OPCML: variants seen among roughly 807,000 people sequenced by gnomAD.
OPCML encodes opioid-binding protein/cell adhesion molecule.
A neutral mutation model predicts 37.8 loss-of-function variants in OPCML; 13 were observed. That is an observed-to-expected ratio of 0.34 (90% CI 0.22 to 0.55). The LOEUF (loss-of-function observed/expected upper bound fraction) is 0.55, where lower values mean the gene tolerates loss of function less well. Among genes scored for constraint, OPCML ranks in the 20% least tolerant of loss-of-function variants. OPCML has a pLI of 0.91. For synonymous variants in OPCML, 176 were observed against 168.8 expected (o/e 1.04, Z -0.33); for missense variants, 341 against 435.6 (o/e 0.78, Z 1.93).
chr11:133,365,048 T>TCACACACA (rs3220326), intron 1 of OPCML, among the ~76,000 whole-genome samples: 155 of 146,574 alleles, frequency 1.1e-3, no homozygotes, highest in South Asian at 4.0e-3. Context: ...TCTCTCTCTT[T>TCACACACA]CACACACACA....
At chr11:132,730,912 T>A (rs997844408) in intron 2 of OPCML, among the ~76,000 whole-genome samples, 1 of 152,222 alleles carries the variant, frequency 6.6e-6, no homozygotes, top group Non-Finnish European at 1.5e-5. Flanking sequence ...AGAAAGGATT[T>A]GGAAGGATCA....
chr11:133,091,601 T>A (rs979998710), intron 1 of OPCML, among the ~76,000 whole-genome samples: 4 of 152,206 alleles, frequency 2.6e-5, no homozygotes, highest in African/African-American at 9.6e-5. Context: ...TTTAATGTCG[T>A]TTGCCCTAGA....
At chr11:133,073,356 T>A (rs1948572232) in intron 1 of OPCML, among the ~76,000 whole-genome samples, 2 of 152,114 alleles carry the variant, frequency 1.3e-5, no homozygotes, top group South Asian at 4.1e-4. Context: ...CTGGTGTGAG[T>A]AAGGGCACAG....
intron 1 of OPCML, among the ~76,000 whole-genome samples, chr11:133,055,053 T>G (rs1219971633): frequency 1.3e-5 from 2 of 150,260 alleles, no homozygotes; most frequent in Non-Finnish European, 3.0e-5. Flanking sequence ...TGTACAATGC[T>G]GCCTCCATGA....
chr11:132,829,227 G>A (rs774101365), intron 2 of OPCML, among the ~76,000 whole-genome samples: 4 of 152,152 alleles, frequency 2.6e-5, no homozygotes, highest in Non-Finnish European at 4.4e-5. Context: ...AATGCTGATC[G>A]TACTGTGCTA....
At chr11:133,175,878 A>G (rs1950365505) in intron 1 of OPCML, among the ~76,000 whole-genome samples, 1 of 152,162 alleles carries the variant, frequency 6.6e-6, no homozygotes, top group Non-Finnish European at 1.5e-5. Context: ...TCTTTATTCC[A>G]TAAAAAAAAG....
intron 1 of OPCML, among the ~76,000 whole-genome samples, chr11:133,083,688 G>A (rs954950084): frequency 1.3e-5 from 2 of 152,216 alleles, no homozygotes; most frequent in African/African-American, 4.8e-5. Context: ...ATATTCCTTT[G>A]GAACACGGCC....
intron 2 of OPCML, among the ~76,000 whole-genome samples, chr11:132,766,124 T>G (rs898644613): frequency 1.3e-5 from 2 of 150,830 alleles, no homozygotes; most frequent in Non-Finnish European, 2.9e-5. Context: ...AAATAAATGT[T>G]GTAAAGGGGA....
At chr11:132,454,370 G>A (rs1191987373) in intron 4 of OPCML, among the ~76,000 whole-genome samples, 1 of 152,184 alleles carries the variant, frequency 6.6e-6, no homozygotes, top group African/African-American at 2.4e-5. Flanking sequence ...GTGTGATGGT[G>A]GAAGCCTGAT....
intron 1 of OPCML, among the ~76,000 whole-genome samples, chr11:133,506,015 G>A (rs1482924180): frequency 1.3e-5 from 2 of 152,150 alleles, no homozygotes; most frequent in Non-Finnish European, 2.9e-5. Flanking sequence ...TCTCTAATAA[G>A]TATCAACCAA....
intron 2 of OPCML, among the ~76,000 whole-genome samples, chr11:132,864,589 T>C (rs1346877534): frequency 1.3e-5 from 2 of 152,222 alleles, no homozygotes; most frequent in African/African-American, 4.8e-5. Context: ...TTCTCTGCCA[T>C]TGGTCATCTA....
intron 2 of OPCML, among the ~76,000 whole-genome samples, chr11:132,824,160 T>G (rs1480608899): frequency 1.3e-5 from 2 of 152,232 alleles, no homozygotes; most frequent in Non-Finnish European, 2.9e-5. Flanking sequence ...CTAAAAATCT[T>G]GTGTTCTGAA....
At chr11:132,728,586 C>T (rs1441457675) in intron 2 of OPCML, among the ~76,000 whole-genome samples, 1 of 152,014 alleles carries the variant, frequency 6.6e-6, no homozygotes, top group East Asian at 1.9e-4. Context: ...GAAGTTCTCT[C>T]CCTACTTCAA....
At chr11:133,393,076 C>T (rs775224794) in intron 1 of OPCML, among the ~76,000 whole-genome samples, 31 of 145,600 alleles carry the variant, frequency 2.1e-4, no homozygotes, top group Non-Finnish European at 3.0e-4. Context: ...GATGATTTCA[C>T]GGTTTAAAAC....
intron 1 of OPCML, among the ~76,000 whole-genome samples, chr11:133,250,535 G>GGGAA (rs141343748): frequency 1.7e-4 from 22 of 129,464 alleles, no homozygotes; most frequent in East Asian, 2.6e-4. Flanking sequence ...GAGGGAGGGA[G>GGGAA]GGAAGGAAGG....
intron 2 of OPCML, among the ~76,000 whole-genome samples, chr11:132,660,733 A>T (rs1247716135): frequency 6.6e-6 from 1 of 152,152 alleles, no homozygotes; most frequent in African/African-American, 2.4e-5. Context: ...ATCAGGTGCC[A>T]TTGCCTTTAG....
At chr11:133,523,999 G>T (rs1565682522) in intron 1 of OPCML, among the ~76,000 whole-genome samples, 1 of 152,316 alleles carries the variant, frequency 6.6e-6, no homozygotes, top group South Asian at 2.1e-4. Context: ...AACTGTCTGG[G>T]TGTTTGTTTG....
chr11:132,596,896 A>G (rs1379663388), intron 3 of OPCML, among the ~76,000 whole-genome samples: 1 of 152,216 alleles, frequency 6.6e-6, no homozygotes, highest in East Asian at 1.9e-4. Context: ...CTTTTCAGGT[A>G]GCTGAGCTAC....
At chr11:132,560,044 T>A (rs770277687) in intron 3 of OPCML, among the ~76,000 whole-genome samples, 10 of 152,234 alleles carry the variant, frequency 6.6e-5, no homozygotes, top group Non-Finnish European at 1.0e-4. Flanking sequence ...AAATTATACA[T>A]GTATAAAATA....
Sources: gnomAD v4.1 joint callset for allele counts (sites outside exome capture counted in the v4.1 genomes callset) on GRCh38, gnomAD v4.1.1 for gene constraint, MANE v1.5 for transcripts, NCBI Gene and HGNC (gene_info 2026-07-23, HGNC 2026-07-21) for gene names.